DGKK: variants seen among roughly 807,000 people sequenced by gnomAD.
DGKK encodes 142 kDa diacylglycerol kinase.
In DGKK, 35 loss-of-function variants were observed where a neutral mutation model predicts 92.2. The ratio of observed to expected loss-of-function variants is 0.38; its 90% CI spans 0.29 to 0.50. The LOEUF (loss-of-function observed/expected upper bound fraction) is 0.50, where lower values mean the gene tolerates loss of function less well. Ranked by LOEUF, DGKK falls within the 20% of genes least tolerant of loss-of-function variation. The pLI, the probability that DGKK is intolerant of heterozygous loss-of-function variation, is 0.92. For synonymous variants in DGKK, 368 were observed against 360.6 expected, an observed-to-expected ratio of 1.02 and a Z score of -0.23; for missense variants, 910 against 992.2, an observed-to-expected ratio of 0.92 and a Z score of 1.11.
chrX:50,379,315 CAAAAAAA>C (rs1214871132), intron 20 of DGKK, among the ~76,000 whole-genome samples: 1 of 38,835 alleles, frequency 2.6e-5, no homozygotes, highest in Non-Finnish European at 4.8e-5. Context: ...GACTCCGTTT[CAAAAAAA>C]AAAAAAAAAA....
At chrX:50,457,920 A>G (rs1429087169) in intron 1 of DGKK, among the ~76,000 whole-genome samples, 1 of 112,262 alleles carries the variant, frequency 8.9e-6, no homozygotes, top group Non-Finnish European at 1.9e-5. Flanking sequence ...TAGTTTTAAC[A>G]CATTCCAGGT....
At chrX:50,454,374 G>T (rs782227870) in intron 1 of DGKK, among the ~76,000 whole-genome samples, 2 of 111,231 alleles carry the variant, frequency 1.8e-5, no homozygotes, top group Non-Finnish European at 3.8e-5. Context: ...GATTATCATT[G>T]CCTGAGGTAA....
intron 1 of DGKK, among the ~76,000 whole-genome samples, chrX:50,466,005 T>C (rs1386276664): frequency 1.3e-5 from 1 of 75,144 alleles, no homozygotes; most frequent in Non-Finnish European, 2.4e-5. Flanking sequence ...TATTTTTTTC[T>C]TTTTCTTTTT....
intron 4 of DGKK, among the ~76,000 whole-genome samples, chrX:50,410,071 C>G (rs1925267935): frequency 8.9e-6 from 1 of 112,019 alleles, no homozygotes; most frequent in Admixed American, 9.4e-5. Context: ...GCAGCCCAAA[C>G]TGACTAAGAC....
chrX:50,380,324 A>G (rs888049005), intron 18 of DGKK, among the ~76,000 whole-genome samples: 2 of 110,578 alleles, frequency 1.8e-5, no homozygotes, highest in African/African-American at 6.6e-5. Flanking sequence ...TCTGCTTGCT[A>G]CCAATATTGG....
chrX:50,372,221 G>A (rs988318387), intron 25 of DGKK, among the ~76,000 whole-genome samples: 1 of 112,054 alleles, frequency 8.9e-6, no homozygotes, highest in Non-Finnish European at 1.9e-5. Context: ...GCCAAGCACT[G>A]TACATACATA....
At chrX:50,384,915 G>T in intron 15 of DGKK, 91 bp from the exon 16 acceptor site, 1 of 603,366 alleles carries the variant, frequency 1.7e-6, no homozygotes, top group African/African-American at 2.2e-5. Flanking sequence ...AGGAAGGAAA[G>T]ATTAATTACA....
intron 4 of DGKK, among the ~76,000 whole-genome samples, chrX:50,414,658 C>T (rs1382308434): frequency 9.0e-6 from 1 of 110,951 alleles, no homozygotes; most frequent in Non-Finnish European, 1.9e-5. Flanking sequence ...AAGCAAAAAT[C>T]CCATAGAATT....
chrX:50,391,499 T>C lies in DGKK; in HGVS notation c.1782A>G (p.Lys594=). 1 of 1,211,399 alleles carries C rather than the reference T, an allele frequency of 8.3e-7. No individual in the cohort carries two copies. ...RVLGWGAFWN[K]SKSPLDILNR... ...TGAGGATGTCCAGAGGTGACTTGCT[T>C]TTGTTCCAGAATGCACCCCAGCCCA... Residue 594 remains lysine, a synonymous_variant, in exon 11 of 28, where the codon AAA becomes AAG. Coordinates refer to ENST00000611977, the MANE Select transcript of DGKK (RefSeq NM_001013742.4).
At chrX:50,435,769 G>A (rs1318028373) in intron 1 of DGKK, among the ~76,000 whole-genome samples, 1 of 111,169 alleles carries the variant, frequency 9.0e-6, no homozygotes, top group Non-Finnish European at 1.9e-5. Context: ...TTCAGAAAGA[G>A]AGAGAGAGAC....
At chrX:50,390,297 T>C (rs1557225388) in intron 12 of DGKK, 31 bp downstream of exon 12, 2 of 1,173,830 alleles carry the variant, frequency 1.7e-6, no homozygotes, top group Non-Finnish European at 2.3e-6. Context: ...AATAAAGATA[T>C]TGGTCTGAAT....
chrX:50,470,156 G>A lies in DGKK; in HGVS notation c.523C>T (p.Pro175Ser). Residue 175 changes from proline to serine, a missense_variant, in exon 1 of 28, where the codon CCA becomes TCA. By Grantham distance (74) the Pro-to-Ser change is moderately conservative. Coordinates refer to ENST00000611977, the MANE Select transcript of DGKK (RefSeq NM_001013742.4). ...FCPEAAPEFR[P>S]SPAPCLLQCP... Reference sequence around the variant, plus strand: ...TGCAATAGACATGGTGCTGGACTTGGACGGAACTCTGGAGCCGCCTCAGGG... The same window carrying A: ...TGCAATAGACATGGTGCTGGACTTGAACGGAACTCTGGAGCCGCCTCAGGG... 1 of 1,212,240 alleles carries A rather than the reference G, an allele frequency of 8.2e-7. No individual in the cohort carries two copies. The highest frequency in any genetic ancestry group is 1.1e-6 in the Non-Finnish European group (1 of 895,534).
chrX:50,401,504 A>G (rs970490075), intron 7 of DGKK, among the ~76,000 whole-genome samples: 5 of 111,671 alleles, frequency 4.5e-5, no homozygotes, highest in African/African-American at 1.3e-4. Flanking sequence ...TTCAATCCTT[A>G]TAACAACAGG....
At chrX:50,395,150 G>A (rs1473027519) in intron 8 of DGKK, among the ~76,000 whole-genome samples, 4 of 111,280 alleles carry the variant, frequency 3.6e-5, no homozygotes, top group Non-Finnish European at 7.5e-5. Flanking sequence ...GAGACGTCAC[G>A]AGTCAGGTCT....
chrX:50,421,660 T>A (rs1194803729), intron 3 of DGKK, among the ~76,000 whole-genome samples: 1 of 111,972 alleles, frequency 8.9e-6, no homozygotes, highest in African/African-American at 3.2e-5. Flanking sequence ...CAGGGTGATG[T>A]AATGAGAGAG....
rs191578798 is a variant in DGKK, at chrX:50,422,508, T to C, written c.775A>G (p.Ile259Val). The C allele has an allele frequency of 1.1e-4, 133 of 1,204,404 alleles. No homozygotes were observed. The African/African-American group carries it at 2.2e-3, about 20-fold the overall frequency. The change falls in exon 3 of 28, where the codon ATT becomes GTT. Residue 259 changes from isoleucine to valine, a missense_variant. Ile to Val is a conservative substitution (Grantham distance 29, BLOSUM62 3). Transcript: ENST00000611977. ...GCCACAGTGGCTTGAGACAGATCAA[T>C]CGTTTCAAAGTGTGCAAACTGGAAA... ...HHPAFAHFET[I>V]DLSQATVAES...
intron 11 of DGKK, among the ~76,000 whole-genome samples, chrX:50,391,105 G>A (rs1328381838): frequency 1.8e-5 from 2 of 111,232 alleles, no homozygotes; most frequent in African/African-American, 6.5e-5. Flanking sequence ...TGTTTTTGTT[G>A]TTGTTGTTTT....
intron 1 of DGKK, among the ~76,000 whole-genome samples, chrX:50,442,066 A>G (rs1460020815): frequency 9.0e-6 from 1 of 111,097 alleles, no homozygotes; most frequent in African/African-American, 3.3e-5. Context: ...ATGCTCAATT[A>G]ATTTCCTCAA....
chrX:50,430,348 C>G (rs1372164871), intron 1 of DGKK, among the ~76,000 whole-genome samples: 4 of 112,084 alleles, frequency 3.6e-5, no homozygotes, highest in African/African-American at 1.3e-4. Flanking sequence ...TGTCATGTTA[C>G]CACTCGACGC....
Sources: allele counts gnomAD v4.1 joint callset (sites outside exome capture counted in the v4.1 genomes callset), GRCh38; gene constraint gnomAD v4.1.1; transcripts MANE v1.5; gene names NCBI Gene and HGNC (gene_info 2026-07-23, HGNC 2026-07-21).